Variants in DGKB observed in about 807,000 individuals in gnomAD.
DGKB encodes 90 kDa diacylglycerol kinase.
Under a neutral mutation model 114.3 loss-of-function variants are expected in DGKB, and 67 were observed. The observed-to-expected ratio is 0.59, with a 90% CI of 0.48 to 0.72. The LOEUF is 0.72. Among genes scored for constraint, DGKB ranks in the 30% least tolerant of loss-of-function variants. The pLI, the probability that DGKB is intolerant of heterozygous loss-of-function variation, is 0.00. For synonymous variants in DGKB, 398 were observed against 323.1 expected, an observed-to-expected ratio of 1.23 and a Z score of -2.49; for missense variants, 907 against 975.2, an observed-to-expected ratio of 0.93 and a Z score of 0.93.
rs552140496 is a variant in DGKB, at chr7:14,712,826, T to C, written c.466+5716A>G. Among the ~76,000 whole-genome samples, 11 of 152,162 alleles carry C rather than the reference T, an allele frequency of 7.2e-5. No homozygotes were observed. The South Asian group carries it at 8.3e-4, about 11-fold the overall frequency. ...AAAAATAATATAGACATTATTAATA[T>C]TGAATTTTCAAATTATATAGTAAGA... On this transcript the variant is annotated intron_variant, in intron 6 of 25. Coordinates refer to ENST00000402815, the MANE Select transcript of DGKB (RefSeq NM_001350709.2).
intron 25 of DGKB, among the ~76,000 whole-genome samples, chr7:14,152,518 C>G (rs973942536): frequency 6.6e-6 from 1 of 151,982 alleles, no homozygotes; most frequent in African/African-American, 2.4e-5. Context: ...CTATAAAACT[C>G]TTCCTTCTCC....
At chr7:14,353,911 A>G (rs1813967439) in intron 21 of DGKB, among the ~76,000 whole-genome samples, 3 of 152,152 alleles carry the variant, frequency 2.0e-5, no homozygotes, top group Non-Finnish European at 2.9e-5. Flanking sequence ...TCTAAGAGTC[A>G]TTTTCACACT....
intron 1 of DGKB, among the ~76,000 whole-genome samples, chr7:14,894,609 G>A (rs1781816525): frequency 6.6e-6 from 1 of 151,466 alleles, no homozygotes; most frequent in Non-Finnish European, 1.5e-5. Flanking sequence ...CCATTGTTTT[G>A]TTTTGTTTAC....
rs1270141959 is a variant in DGKB at position 14,239,901 on chromosome 7, A to G, written c.2123-61750T>C. ...GAAGTTTAGCTGGGAAAGGGGACTAATACGTATCTATTTTACCATATTACC... is the reference window on the plus strand; with the variant it reads ...GAAGTTTAGCTGGGAAAGGGGACTAGTACGTATCTATTTTACCATATTACC... On this transcript the variant is annotated intron_variant, in intron 23 of 25. Coordinates refer to ENST00000402815, the MANE Select transcript of DGKB (RefSeq NM_001350709.2). Among the ~76,000 whole-genome samples the G allele has an allele frequency of 2.6e-5, 4 of 152,090 alleles. No homozygotes were observed. The South Asian group carries it at 6.2e-4, about 24-fold the overall frequency.
intron 21 of DGKB, among the ~76,000 whole-genome samples, chr7:14,444,101 C>T (rs1830430505): frequency 6.6e-6 from 1 of 151,782 alleles, no homozygotes; most frequent in South Asian, 2.1e-4. Context: ...TTGAATTTGG[C>T]TTGTTTTTCA....
chr7:14,354,339 T>C (rs935017636), intron 21 of DGKB, among the ~76,000 whole-genome samples: 16 of 152,098 alleles, frequency 1.1e-4, no homozygotes, highest in African/African-American at 3.1e-4. Context: ...TTTTAAAAAA[T>C]AAGAGGGCAC....
chr7:14,549,025 G>A (rs141650729), intron 20 of DGKB, among the ~76,000 whole-genome samples: 1 of 151,236 alleles, frequency 6.6e-6, no homozygotes, highest in Non-Finnish European at 1.5e-5. Context: ...AGAGGAAAGA[G>A]TAGAACAGAA....
intron 1 of DGKB, among the ~76,000 whole-genome samples, chr7:14,940,884 G>C (rs1785535999): frequency 6.6e-6 from 1 of 151,876 alleles, no homozygotes; most frequent in Non-Finnish European, 1.5e-5. Context: ...GAGATTCCAA[G>C]TATTTTATTT....
chr7:14,169,398 G>A (rs1205217947), intron 25 of DGKB, among the ~76,000 whole-genome samples: 1 of 149,858 alleles, frequency 6.7e-6, no homozygotes, highest in African/African-American at 2.4e-5. Context: ...TGCAAACCAT[G>A]AGTCCTAGAT....
chr7:14,296,263 C>T (rs1389625983), intron 23 of DGKB, among the ~76,000 whole-genome samples: 1 of 152,046 alleles, frequency 6.6e-6, no homozygotes, highest in Non-Finnish European at 1.5e-5. Flanking sequence ...ATCTCCTGAC[C>T]TTGTGGCCCA....
chr7:14,560,396 T>G (rs1049828311), intron 20 of DGKB, among the ~76,000 whole-genome samples: 4 of 152,150 alleles, frequency 2.6e-5, no homozygotes, highest in African/African-American at 9.7e-5. Context: ...TAGCCACAAT[T>G]CCACTCTTCA....
At chr7:14,558,020 A>G (rs1292234168) in intron 20 of DGKB, among the ~76,000 whole-genome samples, 1 of 151,406 alleles carries the variant, frequency 6.6e-6, no homozygotes, top group Non-Finnish European at 1.5e-5. Context: ...TTTTCAAGAA[A>G]TTCTTTCTAG....
intron 6 of DGKB, among the ~76,000 whole-genome samples, chr7:14,709,990 G>GA (rs879334993): frequency 6.8e-4 from 95 of 139,522 alleles, no homozygotes; most frequent in Non-Finnish European, 5.5e-4. Flanking sequence ...GAAAAGAAAA[G>GA]AAAAAAAAAA....
At chr7:14,597,285 T>C (rs937143591) in intron 17 of DGKB, among the ~76,000 whole-genome samples, 2 of 152,108 alleles carry the variant, frequency 1.3e-5, no homozygotes, top group Non-Finnish European at 2.9e-5. Flanking sequence ...AATACATGAC[T>C]CATCAAGAAG....
At chr7:14,262,061 C>G (rs1460086188) in intron 23 of DGKB, among the ~76,000 whole-genome samples, 1 of 152,172 alleles carries the variant, frequency 6.6e-6, no homozygotes, top group Non-Finnish European at 1.5e-5. Flanking sequence ...TTTATCCTAT[C>G]TTGTCTTAGG....
rs78110208 is a variant in DGKB, at chr7:14,826,873, G to A, written c.70+14321C>T. Among the ~76,000 whole-genome samples, 831 of 152,224 alleles carry A rather than the reference G, an allele frequency of 5.5e-3. 8 individuals are homozygous for A. Among genetic ancestry groups the A allele is most frequent in the Non-Finnish European group, 9.0e-3 (609 of 68,010 alleles). On this transcript the variant is annotated intron_variant, in intron 2 of 25. Transcript: ENST00000402815. Reference sequence around the variant, plus strand: ...TTGCCATCTAAGATATGCTCTGAGTGATGATAAATATCAGCATGTAAACAC... The same window carrying A: ...TTGCCATCTAAGATATGCTCTGAGTAATGATAAATATCAGCATGTAAACAC...
At chr7:14,457,615 G>T (rs894137740) in intron 21 of DGKB, among the ~76,000 whole-genome samples, 3 of 152,104 alleles carry the variant, frequency 2.0e-5, no homozygotes, top group African/African-American at 7.2e-5. Flanking sequence ...AATTAAGAAA[G>T]AACATCAACA....
chr7:14,661,544 G>A (rs1398956848), intron 13 of DGKB, among the ~76,000 whole-genome samples: 1 of 151,046 alleles, frequency 6.6e-6, no homozygotes, highest in Admixed American at 6.6e-5. Flanking sequence ...TCATTAAAAA[G>A]TCAGGAAACA....
In DGKB at chr7:14,793,523, G is replaced by T. The variant is rs147689871; in HGVS notation, c.71-35792C>A. Among the ~76,000 whole-genome samples the T allele has an allele frequency of 5.0e-3, 763 of 152,146 alleles. 5 individuals carry two copies. The highest frequency in any genetic ancestry group is 0.018 in the African/African-American group (743 of 41,496). On this transcript the variant is annotated intron_variant, in intron 2 of 25. Coordinates refer to ENST00000402815, the MANE Select transcript of DGKB (RefSeq NM_001350709.2). ...GGATCTTCAGCTGTTAGAAATCAGG[G>T]ATGACTACATACTTTTTAAAGTATC...
Sources: gnomAD v4.1 joint callset for allele counts (sites outside exome capture counted in the v4.1 genomes callset) on GRCh38, gnomAD v4.1.1 for gene constraint, MANE v1.5 for transcripts, NCBI Gene and HGNC (gene_info 2026-07-23, HGNC 2026-07-21) for gene names.